Variants in DACH2 observed in about 807,000 individuals in gnomAD.
DACH2 encodes the protein dachshund homolog 2.
In DACH2, 17 loss-of-function variants were observed where a neutral mutation model predicts 35.8. The ratio of observed to expected loss-of-function variants is 0.48; its 90% confidence interval spans 0.33 to 0.71. DACH2 has a LOEUF of 0.71. Among genes scored for constraint, DACH2 ranks in the 30% least tolerant of loss-of-function variants. DACH2 has a pLI of 0.02. For synonymous variants in DACH2, 195 were observed against 177.3 expected (o/e 1.10, Z -0.79); for missense variants, 469 against 472.7 (o/e 0.99, Z 0.07).
chrX:86,241,203 A>G (rs937365808), intron 1 of DACH2, among the ~76,000 whole-genome samples: 3 of 111,579 alleles, frequency 2.7e-5, no homozygotes, highest in Non-Finnish European at 3.8e-5. Flanking sequence ...CTTCCTAGAG[A>G]CTTGTTGTAT....
intron 3 of DACH2, among the ~76,000 whole-genome samples, chrX:86,587,039 T>G (rs1483080586): frequency 8.9e-6 from 1 of 112,144 alleles, no homozygotes; most frequent in Admixed American, 9.5e-5. Context: ...TTCTTCCTAT[T>G]CATGAGCATG....
At chrX:86,539,109 C>T (rs1489760962) in intron 3 of DACH2, among the ~76,000 whole-genome samples, 1 of 111,007 alleles carries the variant, frequency 9.0e-6, no homozygotes, top group Non-Finnish European at 1.9e-5. Context: ...CTTACGTTTT[C>T]AGGGAGGGAC....
At chrX:86,292,113 G>A (rs1220736657) in intron 1 of DACH2, among the ~76,000 whole-genome samples, 6 of 63,131 alleles carry the variant, frequency 9.5e-5, no homozygotes, top group Non-Finnish European at 1.6e-4. Flanking sequence ...TCCTGTTATT[G>A]GTCTATTCAG....
At chrX:86,565,878 G>A (rs7472687) in intron 3 of DACH2, among the ~76,000 whole-genome samples, 35,958 of 110,800 alleles carry the variant, frequency 0.32, 4,662 homozygotes, top group Middle Eastern at 0.47. Context: ...TTGTATGATT[G>A]CTGATATTCT....
chrX:86,315,657 C>T (rs1318071435), intron 1 of DACH2, among the ~76,000 whole-genome samples: 1 of 110,728 alleles, frequency 9.0e-6, no homozygotes. Flanking sequence ...TTGATTCCAG[C>T]CCTCAGGGAT....
intron 3 of DACH2, among the ~76,000 whole-genome samples, chrX:86,574,402 C>T (rs1040708782): frequency 9.0e-6 from 1 of 111,381 alleles, no homozygotes; most frequent in African/African-American, 3.3e-5. Context: ...CTGCCTGACC[C>T]TCCATTATTA....
chrX:86,318,990 G>C (rs929024441), intron 1 of DACH2, among the ~76,000 whole-genome samples: 3 of 112,035 alleles, frequency 2.7e-5, no homozygotes, highest in African/African-American at 9.7e-5. Flanking sequence ...GCATTAATTT[G>C]CTATTAATGT....
intron 2 of DACH2, among the ~76,000 whole-genome samples, chrX:86,464,140 T>C (rs1230212467): frequency 9.0e-6 from 1 of 110,883 alleles, no homozygotes; most frequent in Non-Finnish European, 1.9e-5. Flanking sequence ...AAACCAGAGA[T>C]ACCACTTGAC....
intron 3 of DACH2, among the ~76,000 whole-genome samples, chrX:86,563,173 T>C (rs191066805): frequency 1.1e-3 from 123 of 109,555 alleles, no homozygotes; most frequent in African/African-American, 3.9e-3. Flanking sequence ...AAGTATGGTA[T>C]GGGTACTAAG....
At chrX:86,410,477 T>C (rs2036592168) in intron 2 of DACH2, among the ~76,000 whole-genome samples, 1 of 111,846 alleles carries the variant, frequency 8.9e-6, no homozygotes, top group African/African-American at 3.2e-5. Context: ...CAAACAGCTG[T>C]TCCTAGTTGG....
intron 1 of DACH2, among the ~76,000 whole-genome samples, chrX:86,271,422 AATAT>A (rs1260119410): frequency 8.9e-6 from 1 of 112,251 alleles, no homozygotes; most frequent in Non-Finnish European, 1.9e-5. Flanking sequence ...ATATTTCTAT[AATAT>A]ATTTGCCTTT....
At chrX:86,165,509 G>T (rs1029118531) in intron 1 of DACH2, among the ~76,000 whole-genome samples, 1 of 110,755 alleles carries the variant, frequency 9.0e-6, no homozygotes, top group African/African-American at 3.3e-5. Flanking sequence ...CTGTCCTTTG[G>T]ATATAAGCGA....
At position 86,651,121 on chromosome X, in the gene DACH2, C is replaced by G; in HGVS notation, c.726C>G (p.Ser242Arg). The G allele has an allele frequency of 8.3e-7, 1 of 1,209,405 alleles. No homozygotes were observed. Among genetic ancestry groups the G allele is most frequent in the Non-Finnish European group, 1.1e-6 (1 of 894,340 alleles). Reference protein sequence around the residue: ...MAMNTLQGNGSQNGTESEPDD... With the variant: ...MAMNTLQGNGRQNGTESEPDD... ...TGAACACTCTTCAGGGAAATGGAAG[C>G]CAAAATGGGACCGAATCAGAGCCTG... Residue 242 changes from serine to arginine, a missense_variant, in exon 4 of 12, where the codon AGC (serine) becomes AGG (arginine). Ser to Arg is a moderately radical substitution (Grantham distance 110, BLOSUM62 -1). Transcript: ENST00000373125.
rs1215783015 is a variant in DACH2 at position 86,237,046 on chromosome X, A to G, written c.488+87938A>G. ...ATATTTATTCTATAAGCTTTTTCCT[A>G]TTAATTTTTTAAAACAGTTTAAACT... On this transcript the variant is annotated intron_variant, in intron 1 of 11. Coordinates refer to ENST00000373125, the MANE Select transcript of DACH2 (RefSeq NM_053281.3). Among the ~76,000 whole-genome samples, 4 of 112,156 alleles carry G rather than the reference A, an allele frequency of 3.6e-5. No homozygotes were observed. In the Admixed American group the frequency reaches 3.8e-4, roughly 11 times the overall value.
At chrX:86,330,166 T>G (rs1387947933) in intron 1 of DACH2, among the ~76,000 whole-genome samples, 1 of 112,150 alleles carries the variant, frequency 8.9e-6, no homozygotes, top group East Asian at 2.8e-4. Flanking sequence ...TAAATAGTTG[T>G]TTCCTTCATA....
intron 3 of DACH2, among the ~76,000 whole-genome samples, chrX:86,624,245 C>A (rs1298893094): frequency 4.5e-5 from 5 of 110,854 alleles, no homozygotes; most frequent in African/African-American, 1.6e-4. Flanking sequence ...TGTACTTTAT[C>A]TATACATTCC....
chrX:86,323,079 G>T (rs1215103536), intron 1 of DACH2, among the ~76,000 whole-genome samples: 1 of 112,521 alleles, frequency 8.9e-6, no homozygotes, highest in East Asian at 2.8e-4. Context: ...GTTCTGCATG[G>T]AGCGGATTCC....
chrX:86,523,414 A>T (rs1301222236), intron 3 of DACH2, among the ~76,000 whole-genome samples: 1 of 111,337 alleles, frequency 9.0e-6, no homozygotes, highest in African/African-American at 3.3e-5. Context: ...TTCTCAGTTT[A>T]AAAAAAATAT....
At chrX:86,297,406 C>T (rs766553851) in intron 1 of DACH2, among the ~76,000 whole-genome samples, 5 of 111,377 alleles carry the variant, frequency 4.5e-5, no homozygotes, top group East Asian at 5.7e-4. Flanking sequence ...GTCTGAACAC[C>T]GAAGCATATA....
Sources: allele counts gnomAD v4.1 joint callset (sites outside exome capture counted in the v4.1 genomes callset), GRCh38; gene constraint gnomAD v4.1.1; transcripts MANE v1.5; gene names NCBI Gene and HGNC (gene_info 2026-07-23, HGNC 2026-07-21).